Variants in GPBP1L1 observed in about 807,000 individuals in gnomAD.
GPBP1L1 encodes GC-rich promoter binding protein 1 like 1.
In GPBP1L1, 23 loss-of-function variants were observed where a neutral mutation model predicts 52.5. The observed-to-expected ratio is 0.44, with a 90% CI of 0.32 to 0.62. The LOEUF (loss-of-function observed/expected upper bound fraction) is 0.62, where lower values mean the gene tolerates loss of function less well. Among genes scored for constraint, GPBP1L1 ranks in the 20% least tolerant of loss-of-function variants. The probability of loss-of-function intolerance (pLI) is 0.06; values close to 1 mark genes in which losing one functional copy is unlikely to be tolerated. For missense variants in GPBP1L1, 596 were observed against 579.3 expected (o/e 1.03, Z -0.30); for synonymous variants, 243 against 203.1 (o/e 1.20, Z -1.67).
intron 6 of GPBP1L1, among the ~76,000 whole-genome samples, chr1:45,648,559 T>C (rs2148457698): frequency 6.6e-6 from 1 of 152,322 alleles, no homozygotes; most frequent in East Asian, 1.9e-4. Flanking sequence ...TCCCTTCAGT[T>C]CCCCCTGCAC....
intron 6 of GPBP1L1, among the ~76,000 whole-genome samples, chr1:45,647,585 T>C (rs1644766535): frequency 6.6e-6 from 1 of 152,188 alleles, no homozygotes; most frequent in South Asian, 2.1e-4. Flanking sequence ...TGGAGAGATT[T>C]TTACTTCCTG....
chr1:45,667,833 C>T (rs1276998274), intron 2 of GPBP1L1, among the ~76,000 whole-genome samples: 1 of 152,168 alleles, frequency 6.6e-6, no homozygotes, highest in East Asian at 1.9e-4. Context: ...CTGCAACCCC[C>T]ACCTCCTGGG....
chr1:45,639,197 T>C (rs1448831960), intron 8 of GPBP1L1, among the ~76,000 whole-genome samples: 3 of 2,932 alleles, frequency 1.0e-3, no homozygotes, highest in South Asian at 0.033. Flanking sequence ...GCATGTGATA[T>C]ATTCAATTGT....
intron 10 of GPBP1L1, among the ~76,000 whole-genome samples, chr1:45,632,804 C>A (rs1644547452): frequency 6.6e-6 from 1 of 152,148 alleles, no homozygotes; most frequent in African/African-American, 2.4e-5. Flanking sequence ...GGACTATTAA[C>A]TAAGATATAC....
chr1:45,683,456 C>T (rs902920237), intron 2 of GPBP1L1, among the ~76,000 whole-genome samples: 6 of 151,050 alleles, frequency 4.0e-5, no homozygotes, highest in South Asian at 4.2e-4. Context: ...CCGCCCGCCT[C>T]GGCCTCCCAA....
intron 2 of GPBP1L1, among the ~76,000 whole-genome samples, chr1:45,685,068 A>G (rs1645262751): frequency 6.8e-6 from 1 of 147,008 alleles, no homozygotes; most frequent in East Asian, 1.9e-4. Flanking sequence ...CTATCGATTA[A>G]AAAAAAAAAG....
chr1:45,666,345 C>T (rs1569859119), intron 2 of GPBP1L1, among the ~76,000 whole-genome samples: 1 of 152,216 alleles, frequency 6.6e-6, no homozygotes, highest in South Asian at 2.1e-4. Context: ...GGGGTTTCAC[C>T]ATATTGGTCA....
At chr1:45,629,466 C>A (rs1050945555) in intron 12 of GPBP1L1, 110 bp downstream of exon 12, 3 of 152,624 alleles carry the variant, frequency 2.0e-5, no homozygotes, top group South Asian at 1.9e-4. Context: ...CCCCCCCCCC[C>A]CACCCGATCT....
At chr1:45,674,063 G>C (rs1261820385) in intron 2 of GPBP1L1, among the ~76,000 whole-genome samples, 1 of 143,070 alleles carries the variant, frequency 7.0e-6, no homozygotes, top group African/African-American at 2.5e-5. Flanking sequence ...GTGTGAAAGA[G>C]TGAAATTGTC....
intron 2 of GPBP1L1, among the ~76,000 whole-genome samples, chr1:45,684,258 C>CAAAAA (rs60624036): frequency 1.8e-3 from 157 of 88,338 alleles, no homozygotes; most frequent in Middle Eastern, 6.3e-3. Context: ...AACTCCGTCT[C>CAAAAA]AAAAAAAAAA....
At chr1:45,679,540 T>C (rs1268350675) in intron 2 of GPBP1L1, among the ~76,000 whole-genome samples, 1 of 152,118 alleles carries the variant, frequency 6.6e-6, no homozygotes, top group African/African-American at 2.4e-5. Flanking sequence ...TGTGTATGTG[T>C]GCACCCAACC....
At chr1:45,650,960 C>T (rs1170303593) in intron 6 of GPBP1L1, 1 of 326,294 alleles carries the variant, frequency 3.1e-6, no homozygotes, top group Non-Finnish European at 6.2e-6. Context: ...CATCAAGTCA[C>T]TTTGGATAGA....
intron 12 of GPBP1L1, among the ~76,000 whole-genome samples, chr1:45,628,767 G>A (rs1291914015): frequency 1.3e-5 from 2 of 152,124 alleles, no homozygotes; most frequent in Non-Finnish European, 2.9e-5. Flanking sequence ...GGGTTCAAGC[G>A]ATTCTCCTGC....
Position 45,654,789 on chromosome 1 carries a change from C to CA in GPBP1L1, c.230dup (p.Asp78GlyfsTer6). The CA allele has an allele frequency of 1.2e-6, 2 of 1,614,124 alleles. No individual in the cohort carries two copies. Among genetic ancestry groups the CA allele is most frequent in the Non-Finnish European group, 1.7e-6 (2 of 1,180,016 alleles). ...ATGCTCCCTTAGAGACACCAGAGTC[C>CA]ACAGAATCATGGCGGAACAGGGAGG... On this transcript the variant is annotated frameshift_variant, in exon 6 of 13. Transcript: ENST00000355105. LOFTEE classifies it high-confidence loss of function.
intron 6 of GPBP1L1, among the ~76,000 whole-genome samples, chr1:45,644,187 A>C (rs749121943): frequency 2.0e-4 from 30 of 152,188 alleles, no homozygotes; most frequent in Non-Finnish European, 2.5e-4. Flanking sequence ...AATCAGTGAC[A>C]GATTTTCAAG....
In GPBP1L1 at chr1:45,640,477, G is replaced by A. The variant is rs899313296; in HGVS notation, c.551-74C>T. On this transcript the variant is annotated intron_variant, in intron 7 of 12. Coordinates refer to ENST00000355105, the MANE Select transcript of GPBP1L1 (RefSeq NM_021639.5). ...TAACATGAAGCATAGTTTATACAAA[G>A]GCCTTAGTCAACAAAACAGCTGACA... 4.0e-6 allele frequency: 5 copies of A among 1,245,668 alleles called. No individual in the cohort carries two copies. In the East Asian group the frequency reaches 1.2e-4, roughly 29 times the overall value. 77.2% of individuals were successfully genotyped at this position (1,245,668 alleles called of 1,614,324 possible).
intron 4 of GPBP1L1, among the ~76,000 whole-genome samples, chr1:45,656,813 TCAC>T (rs981324265): frequency 4.0e-5 from 6 of 151,748 alleles, no homozygotes; most frequent in Non-Finnish European, 8.8e-5. Flanking sequence ...TGACAGGTAT[TCAC>T]CACCACACCT....
At chr1:45,672,090 C>T (rs1031784794) in intron 2 of GPBP1L1, among the ~76,000 whole-genome samples, 14 of 152,172 alleles carry the variant, frequency 9.2e-5, no homozygotes, top group South Asian at 4.2e-4. Flanking sequence ...AGGCTGGGTG[C>T]GGTGGCTCAT....
chr1:45,632,255 G>A (rs1365224129), intron 10 of GPBP1L1, among the ~76,000 whole-genome samples: 6 of 151,748 alleles, frequency 4.0e-5, no homozygotes, highest in East Asian at 1.9e-4. Flanking sequence ...GCTAAATAAC[G>A]TGTGTCATGT....
Sources: gnomAD v4.1 joint callset for allele counts (sites outside exome capture counted in the v4.1 genomes callset) on GRCh38, gnomAD v4.1.1 for gene constraint, MANE v1.5 for transcripts, NCBI Gene and HGNC (gene_info 2026-07-23, HGNC 2026-07-21) for gene names.